MLLT10: variants seen among roughly 807,000 people sequenced by gnomAD.
MLLT10 encodes protein AF-10.
A neutral mutation model predicts 129.1 loss-of-function variants in MLLT10; 30 were observed. That is an observed-to-expected ratio of 0.23 (90% CI 0.17 to 0.32). MLLT10 has a LOEUF of 0.32. Ranked by LOEUF, MLLT10 falls within the 10% of genes least tolerant of loss-of-function variation. MLLT10 has a pLI of 1.00. For missense variants in MLLT10, 1,119 were observed against 1,268.3 expected (o/e 0.88, Z 1.79); for synonymous variants, 490 against 446.4 (o/e 1.10, Z -1.23).
intron 4 of MLLT10, among the ~76,000 whole-genome samples, chr10:21,587,216 A>G (rs1377815834): frequency 1.3e-5 from 2 of 151,972 alleles, no homozygotes; most frequent in African/African-American, 4.8e-5. Flanking sequence ...CCTGGGCAAC[A>G]TAGGGAGACC....
chr10:21,560,648 A>G (rs970425844), intron 3 of MLLT10, among the ~76,000 whole-genome samples: 4 of 151,962 alleles, frequency 2.6e-5, no homozygotes, highest in Non-Finnish European at 4.4e-5. Flanking sequence ...TAGCTTCACT[A>G]TGTTGTCCAG....
intron 11 of MLLT10, among the ~76,000 whole-genome samples, chr10:21,678,180 C>G (rs1261954041): frequency 1.3e-5 from 2 of 152,180 alleles, no homozygotes; most frequent in African/African-American, 4.8e-5. Context: ...TCTCAGCTCA[C>G]TGCCACCTCT....
Position 21,617,141 on chromosome 10 carries a change from A to T in MLLT10, c.633A>T (p.Ser211=), listed in dbSNP as rs1564515588. 6.5e-7 allele frequency: 1 copy of T among 1,537,636 alleles called. No homozygotes were observed. The highest frequency in any genetic ancestry group is 8.8e-7 in the Non-Finnish European group (1 of 1,137,900). ...AGAGCAAACGGGGATCTAATAGGTCATATGATCAAAGTTTAAGTGATTCTT... is the reference window on the plus strand; with the variant it reads ...AGAGCAAACGGGGATCTAATAGGTCTTATGATCAAAGTTTAAGTGATTCTT... ...LKKSKRGSNR[S]YDQSLSDSSS... The change falls in exon 8 of 23, where the codon TCA becomes TCT. Residue 211 remains serine, a synonymous_variant. Coordinates refer to ENST00000307729, the MANE Select transcript of MLLT10 (RefSeq NM_001195626.3).
At chr10:21,556,019 A>T (rs1408095331) in intron 3 of MLLT10, among the ~76,000 whole-genome samples, 3 of 146,290 alleles carry the variant, frequency 2.1e-5, no homozygotes. Flanking sequence ...TCTGTTGCCT[A>T]GGCCAGAGTG....
intron 20 of MLLT10, among the ~76,000 whole-genome samples, chr10:21,734,582 C>G (rs563946682): frequency 5.3e-5 from 8 of 152,272 alleles, no homozygotes; most frequent in Non-Finnish European, 1.0e-4. Context: ...ACTGGAACTG[C>G]ATTTGAATGT....
chr10:21,704,737 A>G (rs1346340843), intron 13 of MLLT10, among the ~76,000 whole-genome samples: 3 of 151,716 alleles, frequency 2.0e-5, no homozygotes, highest in East Asian at 1.9e-4. Flanking sequence ...TATTGAAGAT[A>G]TATCTATGGT....
At chr10:21,740,574 T>A (rs1296167929) in intron 22 of MLLT10, among the ~76,000 whole-genome samples, 1 of 152,226 alleles carries the variant, frequency 6.6e-6, no homozygotes. Context: ...ATCTTGGAAA[T>A]ATTTTTATTT....
intron 8 of MLLT10, among the ~76,000 whole-genome samples, chr10:21,648,152 G>T (rs148219623): frequency 6.6e-6 from 1 of 151,736 alleles, no homozygotes; most frequent in East Asian, 1.9e-4. Context: ...TCTTTTCCTG[G>T]GTTTTCCCTT....
intron 13 of MLLT10, among the ~76,000 whole-genome samples, chr10:21,713,467 C>T (rs1282358688): frequency 2.6e-5 from 4 of 152,252 alleles, no homozygotes; most frequent in East Asian, 1.9e-4. Context: ...ATTTAAGAAA[C>T]GTTTTCTTGC....
intron 8 of MLLT10, among the ~76,000 whole-genome samples, chr10:21,651,132 A>G (rs1466972410): frequency 6.6e-6 from 1 of 152,012 alleles, no homozygotes; most frequent in African/African-American, 2.4e-5. Context: ...GGTGCAGTGG[A>G]ACGATCTTGG....
chr10:21,705,158 C>G (rs1239765132), intron 13 of MLLT10, among the ~76,000 whole-genome samples: 1 of 152,162 alleles, frequency 6.6e-6, no homozygotes, highest in Non-Finnish European at 1.5e-5. Flanking sequence ...TGGGTCAACC[C>G]TCTGGATCCC....
intron 11 of MLLT10, among the ~76,000 whole-genome samples, chr10:21,676,383 AC>A (rs2052114953): frequency 6.7e-6 from 1 of 149,456 alleles, no homozygotes; most frequent in Non-Finnish European, 1.5e-5. Context: ...ACACCACTGC[AC>A]TCCAGCCTGG....
At chr10:21,537,366 C>T (rs1448539630) in intron 2 of MLLT10, among the ~76,000 whole-genome samples, 1 of 152,032 alleles carries the variant, frequency 6.6e-6, no homozygotes, top group South Asian at 2.1e-4. Flanking sequence ...GGGGCAATCT[C>T]GGCTCACTGC....
In MLLT10 at chr10:21,688,403, A is replaced by T; in HGVS notation, c.1699+6146A>T. The T allele has an allele frequency of 6.4e-6, 7 of 1,092,706 alleles. No homozygotes were observed. In the South Asian group the frequency reaches 8.0e-5, roughly 13 times the overall value. The allele number at this position is 1,092,706 out of a possible 1,614,324, so 67.7% of individuals were successfully genotyped here. ...CACCCCCACACTGCACCCCATCATAATATCTTCAGTTTTTCAACTTGTCTG... is the reference window on the plus strand; with the variant it reads ...CACCCCCACACTGCACCCCATCATATTATCTTCAGTTTTTCAACTTGTCTG... On this transcript the variant is annotated intron_variant, in intron 13 of 22. Coordinates refer to ENST00000307729, the MANE Select transcript of MLLT10 (RefSeq NM_001195626.3).
intron 3 of MLLT10, among the ~76,000 whole-genome samples, chr10:21,583,076 A>G (rs566203108): frequency 1.8e-4 from 28 of 152,286 alleles, no homozygotes; most frequent in African/African-American, 6.7e-4. Context: ...AGGCTGAGGC[A>G]GGAGAATTGC....
chr10:21,560,656 C>T (rs1421870118), intron 3 of MLLT10, among the ~76,000 whole-genome samples: 1 of 152,078 alleles, frequency 6.6e-6, no homozygotes, highest in Non-Finnish European at 1.5e-5. Context: ...CTATGTTGTC[C>T]AGGCTGGTTT....
At chr10:21,558,253 A>G (rs1396350376) in intron 3 of MLLT10, among the ~76,000 whole-genome samples, 3 of 150,602 alleles carry the variant, frequency 2.0e-5, no homozygotes, top group Non-Finnish European at 4.4e-5. Flanking sequence ...GCTTGGCCTT[A>G]TTTTTCTTTT....
rs887075337 is a variant in MLLT10, at chr10:21,534,350, A to G, written c.-171A>G. On this transcript the variant is annotated 5_prime_UTR_variant, in exon 1 of 23. It removes an upstream start codon present in the reference 5' UTR. Transcript: ENST00000307729. ...CGCCTGTGCGGAGGCCCTCTTGATTATGTGTGCCCTCTCCGGGCGCCCGCG... is the reference window on the plus strand; with the variant it reads ...CGCCTGTGCGGAGGCCCTCTTGATTGTGTGTGCCCTCTCCGGGCGCCCGCG... The G allele has an allele frequency of 5.0e-5, 13 of 261,766 alleles. No homozygotes were observed. The highest frequency in any genetic ancestry group is 2.2e-4 in the Admixed American group (4 of 17,974). 16.2% of individuals were successfully genotyped at this position (261,766 alleles called of 1,614,324 possible). A position where few individuals can be genotyped will look rare whatever the true frequency, so the allele number is the denominator to read the frequency against.
rs1304185245 is a variant in MLLT10 at position 21,743,504 on chromosome 10, T to G, written c.*1521T>G. On this transcript the variant is annotated 3_prime_UTR_variant, in exon 23 of 23. Transcript: ENST00000307729. ...TATTTTACTTATTTAACCCACTGGT[T>G]GTTATTCTGTAACAGTTTGTATAAA... 5.3e-6 allele frequency: 1 copy of G among 187,880 alleles called. No individual in the cohort carries two copies. Among genetic ancestry groups the G allele is most frequent in the Admixed American group, 6.2e-5 (1 of 16,134 alleles). 11.6% of individuals were successfully genotyped at this position (187,880 alleles called of 1,614,324 possible).
Sources: gnomAD v4.1 joint callset for allele counts (sites outside exome capture counted in the v4.1 genomes callset) on GRCh38, gnomAD v4.1.1 for gene constraint, MANE v1.5 for transcripts, NCBI Gene and HGNC (gene_info 2026-07-23, HGNC 2026-07-21) for gene names.